The following ABCC11 variants were observed in gnomAD, a reference collection of about 807,000 sequenced individuals.
The protein encoded by ABCC11 is ATP-binding cassette sub-family C member 11.
In ABCC11, 135 loss-of-function variants were observed where a neutral mutation model predicts 149.3. That is an observed-to-expected ratio of 0.90 (90% CI 0.79 to 1.04). The LOEUF (loss-of-function observed/expected upper bound fraction) is 1.04, where lower values mean the gene tolerates loss of function less well. Among genes scored for constraint, ABCC11 ranks in the 50% least tolerant of loss-of-function variants. The probability of loss-of-function intolerance (pLI) is 0.00; values close to 1 mark genes in which losing one functional copy is unlikely to be tolerated. For missense variants in ABCC11, 1,680 were observed against 1,722.1 expected, an observed-to-expected ratio of 0.98 and a Z score of 0.43; for synonymous variants, 665 against 671.4, an observed-to-expected ratio of 0.99 and a Z score of 0.15.
chr16:48,194,048 T>C, intron 18 of ABCC11, 66 bp from the exon 19 acceptor site: 1 of 1,187,560 alleles, frequency 8.4e-7, no homozygotes, highest in Non-Finnish European at 1.2e-6. Flanking sequence ...CTGACTCAGC[T>C]GCTCGGCCAT....
chr16:48,198,987 T>C (rs1231182423), intron 15 of ABCC11, among the ~76,000 whole-genome samples: 3 of 151,776 alleles, frequency 2.0e-5, no homozygotes, highest in African/African-American at 7.3e-5. Context: ...TGAGCTGAGA[T>C]TGTACCATTG....
intron 1 of ABCC11, chr16:48,244,434 C>T (rs768764432): frequency 1.3e-6 from 2 of 1,593,420 alleles, no homozygotes; most frequent in Admixed American, 1.7e-5. Context: ...CCTCCCGCTG[C>T]TGCTCACCCA....
chr16:48,170,061 G>A (rs373418310), intron 28 of ABCC11, 44 bp downstream of exon 28: 20 of 1,540,652 alleles, frequency 1.3e-5, no homozygotes, highest in African/African-American at 1.2e-4. Context: ...CTCATCATGC[G>A]TAGTCTGTGG....
At chr16:48,229,551 G>A (rs1007836462) in intron 3 of ABCC11, among the ~76,000 whole-genome samples, 3 of 137,966 alleles carry the variant, frequency 2.2e-5, no homozygotes, top group East Asian at 2.0e-4. Flanking sequence ...TGCAAGCTCC[G>A]CTTCCCGGGT....
rs368236199 is a variant in ABCC11 at position 48,231,817 on chromosome 16, A to G, written c.99+6T>C. On this transcript the variant is annotated splice_donor_region_variant and intron_variant, in intron 2 of 29. Transcript: ENST00000356608. ...CTGGTGTGCTGATGCTAAGAGATCT[A>G]CTTACATAAATAAGTCCTGAAACCA... The G allele has an allele frequency of 3.7e-6, 6 of 1,614,040 alleles. No individual in the cohort carries two copies. Among genetic ancestry groups the G allele is most frequent in the Non-Finnish European group, 5.1e-6 (6 of 1,179,910 alleles).
At chr16:48,183,374 C>T (rs1044814308) in intron 23 of ABCC11, among the ~76,000 whole-genome samples, 1 of 152,258 alleles carries the variant, frequency 6.6e-6, no homozygotes, top group Non-Finnish European at 1.5e-5. Context: ...CATCTCTCCC[C>T]ATCTCCCAGC....
Position 48,224,265 on chromosome 16 carries a change from C to A in ABCC11, c.543+17G>T. 6.2e-7 allele frequency: 1 copy of A among 1,613,272 alleles called. No homozygotes were observed. Among genetic ancestry groups the A allele is most frequent in the South Asian group, 1.1e-5 (1 of 90,788 alleles). Reference sequence around the variant, plus strand: ...GAAGCCTAGAGTCCCCCAAACCTCACCAAGTCTGCCACTTACTGGCCCGAG... The same window carrying A: ...GAAGCCTAGAGTCCCCCAAACCTCAACAAGTCTGCCACTTACTGGCCCGAG... On this transcript the variant is annotated intron_variant, in intron 5 of 29. Coordinates refer to ENST00000356608, the MANE Select transcript of ABCC11 (RefSeq NM_001370497.1).
chr16:48,227,475 CA>C (rs71309365), intron 4 of ABCC11, among the ~76,000 whole-genome samples: 16,502 of 87,856 alleles, frequency 0.19, 993 homozygotes, highest in African/African-American at 0.27. Flanking sequence ...GACTCCATCT[CA>C]AAAAAAAAAA....
intron 1 of ABCC11, among the ~76,000 whole-genome samples, chr16:48,236,710 C>T (rs1295499440): frequency 1.3e-5 from 2 of 152,228 alleles, no homozygotes; most frequent in East Asian, 3.8e-4. Context: ...TAGGCTGACA[C>T]ATCCCATCAC....
rs1197026968 is a variant in ABCC11 at position 48,167,070 on chromosome 16, T to C, written c.*204A>G. ...CACTGAATCCCATGTCTTAGATGGT[T>C]CTGGGGTTCTAAGGTCTTGAGAGCC... On this transcript the variant is annotated 3_prime_UTR_variant, in exon 30 of 30. Coordinates refer to ENST00000356608, the MANE Select transcript of ABCC11 (RefSeq NM_001370497.1). The C allele has an allele frequency of 8.6e-6, 5 of 583,412 alleles. No homozygotes were observed. In the East Asian group the frequency reaches 8.6e-5, roughly 10 times the overall value. 36.1% of individuals were successfully genotyped at this position (583,412 alleles called of 1,614,324 possible). A position where few individuals can be genotyped will look rare whatever the true frequency, so the allele number is the denominator to read the frequency against.
intron 20 of ABCC11, 59 bp from the exon 21 acceptor site, chr16:48,187,486 G>T: frequency 7.0e-7 from 1 of 1,423,088 alleles, no homozygotes; most frequent in Non-Finnish European, 9.7e-7. Context: ...CTCAAGATTG[G>T]ATGAAGATGC....
At chr16:48,193,699 G>A (rs551553523) in intron 19 of ABCC11, among the ~76,000 whole-genome samples, 180 bp downstream of exon 19, 4 of 152,284 alleles carry the variant, frequency 2.6e-5, no homozygotes, top group African/African-American at 7.2e-5. Flanking sequence ...AAAGTCAGGA[G>A]GCCTGTGCCA....
intron 26 of ABCC11, among the ~76,000 whole-genome samples, chr16:48,171,543 T>C (rs1965722679): frequency 6.6e-6 from 1 of 152,246 alleles, no homozygotes; most frequent in African/African-American, 2.4e-5. Flanking sequence ...CCATTTGGGT[T>C]TTGTTTTATT....
chr16:48,178,223 T>C (rs1966208519), intron 24 of ABCC11, among the ~76,000 whole-genome samples: 2 of 152,228 alleles, frequency 1.3e-5, no homozygotes, highest in East Asian at 3.8e-4. Flanking sequence ...AAGCTTAGAC[T>C]TGAACCCAGG....
chr16:48,192,814 G>C, intron 19 of ABCC11, 97 bp from the exon 20 acceptor site: 20 of 1,266,398 alleles, frequency 1.6e-5, no homozygotes, highest in Non-Finnish European at 2.3e-5. Flanking sequence ...ATCTGTGGCT[G>C]GTAGAAGGTG....
At chr16:48,199,566 A>T (rs1967749747) in intron 15 of ABCC11, among the ~76,000 whole-genome samples, 1 of 152,104 alleles carries the variant, frequency 6.6e-6, no homozygotes, top group Admixed American at 6.6e-5. Context: ...TGCGGTCATC[A>T]TCGGTAAGAA....
intron 4 of ABCC11, among the ~76,000 whole-genome samples, chr16:48,226,172 G>A (rs1970058513): frequency 6.6e-6 from 1 of 151,438 alleles, no homozygotes; most frequent in Non-Finnish European, 1.5e-5. Context: ...CACCTTCCGG[G>A]TTCAAGCGAT....
chr16:48,209,794 C>T (rs1968763145), intron 11 of ABCC11: 1 of 152,080 alleles, frequency 6.6e-6, no homozygotes, highest in Non-Finnish European at 1.5e-5. Flanking sequence ...AATACAACTC[C>T]TCCGTCTAAC....
intron 23 of ABCC11, among the ~76,000 whole-genome samples, chr16:48,182,220 A>G (rs1424976512): frequency 6.6e-6 from 1 of 152,246 alleles, no homozygotes; most frequent in Admixed American, 6.5e-5. Context: ...TCCAGTACAT[A>G]CATGTGCTCC....
Sources: gnomAD v4.1 joint callset for allele counts (sites outside exome capture counted in the v4.1 genomes callset) on GRCh38, gnomAD v4.1.1 for gene constraint, MANE v1.5 for transcripts, NCBI Gene and HGNC (gene_info 2026-07-23, HGNC 2026-07-21) for gene names.